GABRA2: variants seen among roughly 807,000 people sequenced by gnomAD.
GABRA2 encodes gamma-aminobutyric acid type A receptor subunit alpha2, also known as gamma-aminobutyric acid receptor subunit alpha-2.
In GABRA2, 16 loss-of-function variants were observed where a neutral mutation model predicts 48.7. The observed-to-expected ratio is 0.33, with a 90% CI of 0.22 to 0.50. The LOEUF (loss-of-function observed/expected upper bound fraction) is 0.50. GABRA2 is among the 20% of genes least tolerant of loss of function. The pLI is 0.98. For synonymous variants in GABRA2, 185 were observed against 184.5 expected, an observed-to-expected ratio of 1.00 and a Z score of -0.02; for missense variants, 275 against 535.6, an observed-to-expected ratio of 0.51 and a Z score of 4.80.
Position 46,339,770 on chromosome 4 carries a change from G to A in GABRA2, c.188-7088C>T, listed in dbSNP as rs139804468. 1.3e-3 allele frequency among the ~76,000 whole-genome samples: 196 copies of A among 151,568 alleles called. 2 individuals carry two copies. The highest frequency in any genetic ancestry group is 6.8e-3 in the Middle Eastern group (2 of 294). On this transcript the variant is annotated intron_variant, in intron 3 of 9. Coordinates refer to ENST00000381620, the MANE Select transcript of GABRA2 (RefSeq NM_000807.4). ...TCCTAACTCCTAACCTAATAATATCGGAATGCCACAAATTTCAGTTTTTGG... is the reference window on the plus strand; with the variant it reads ...TCCTAACTCCTAACCTAATAATATCAGAATGCCACAAATTTCAGTTTTTGG...
chr4:46,352,606 T>A (rs1376277438), intron 3 of GABRA2, among the ~76,000 whole-genome samples: 1 of 152,022 alleles, frequency 6.6e-6, no homozygotes, highest in Non-Finnish European at 1.5e-5. Flanking sequence ...ATAAAGAGAA[T>A]AACGGAGATC....
intron 4 of GABRA2, among the ~76,000 whole-genome samples, chr4:46,332,021 C>T (rs1257741804): frequency 6.6e-6 from 1 of 152,092 alleles, no homozygotes; most frequent in Non-Finnish European, 1.5e-5. Context: ...CCACACCAGG[C>T]CTGTCTCATT....
chr4:46,264,905 G>A (rs897893580), intron 8 of GABRA2, among the ~76,000 whole-genome samples: 11 of 149,708 alleles, frequency 7.3e-5, no homozygotes, highest in Admixed American at 2.0e-4. Flanking sequence ...TTGGTCATGT[G>A]TAGTAGTTTC....
At chr4:46,308,029 T>C (rs896876789) in intron 6 of GABRA2, among the ~76,000 whole-genome samples, 5 of 152,172 alleles carry the variant, frequency 3.3e-5, no homozygotes, top group Middle Eastern at 3.2e-3. Flanking sequence ...TAAATAATCT[T>C]GTTTGTGTTA....
chr4:46,364,427 T>C (rs1713717533), intron 3 of GABRA2: 1 of 152,246 alleles, frequency 6.6e-6, no homozygotes, highest in South Asian at 2.1e-4. Context: ...ACCCATTTAT[T>C]AGCACATAGT....
intron 4 of GABRA2, among the ~76,000 whole-genome samples, chr4:46,318,692 T>G (rs1029815384): frequency 2.6e-5 from 4 of 151,606 alleles, no homozygotes; most frequent in African/African-American, 9.7e-5. Flanking sequence ...ATCCATCAAC[T>G]GAGACTCTAA....
At chr4:46,325,534 G>T (rs1235866935) in intron 4 of GABRA2, among the ~76,000 whole-genome samples, 2 of 151,854 alleles carry the variant, frequency 1.3e-5, no homozygotes, top group Non-Finnish European at 2.9e-5. Context: ...TTGTCTGTTT[G>T]CTCTGTTAAT....
chr4:46,371,897 G>T (rs949746002), intron 3 of GABRA2, among the ~76,000 whole-genome samples: 1 of 152,096 alleles, frequency 6.6e-6, no homozygotes, highest in African/African-American at 2.4e-5. Flanking sequence ...TATTCTTTAT[G>T]AATTTCCCCT....
chr4:46,295,948 C>G (rs1349556451), intron 8 of GABRA2, among the ~76,000 whole-genome samples: 2 of 152,186 alleles, frequency 1.3e-5, no homozygotes, highest in African/African-American at 4.8e-5. Context: ...AAAGCACTCA[C>G]TTTATGGCTA....
At chr4:46,363,814 G>A (rs1381746737) in intron 3 of GABRA2, 1 of 152,010 alleles carries the variant, frequency 6.6e-6, no homozygotes, top group African/African-American at 2.4e-5. Flanking sequence ...TAATCATTTT[G>A]GAATGTGTAG....
intron 3 of GABRA2, among the ~76,000 whole-genome samples, chr4:46,374,039 T>G (rs958214583): frequency 9.9e-5 from 15 of 152,166 alleles, no homozygotes; most frequent in African/African-American, 3.6e-4. Flanking sequence ...ATTTTTTTCT[T>G]GAAAATTTTG....
intron 6 of GABRA2, among the ~76,000 whole-genome samples, chr4:46,306,886 C>T (rs944470524): frequency 2.6e-5 from 4 of 152,158 alleles, no homozygotes; most frequent in Non-Finnish European, 5.9e-5. Context: ...CCATCAGTAA[C>T]AATAGAGTAA....
intron 8 of GABRA2, among the ~76,000 whole-genome samples, chr4:46,280,617 G>C (rs1721347788): frequency 6.6e-6 from 1 of 152,156 alleles, no homozygotes; most frequent in Non-Finnish European, 1.5e-5. Context: ...GTTGGGCATA[G>C]AGTTCCATAA....
intron 3 of GABRA2, chr4:46,364,668 C>G (rs1468201298): frequency 1.3e-5 from 2 of 152,202 alleles, no homozygotes; most frequent in African/African-American, 2.4e-5. Flanking sequence ...TGTTGTGTTC[C>G]TTGCCATGTG....
rs73812849 is a variant in GABRA2, at chr4:46,323,240, T to A, written c.255+9375A>T. 2.1e-3 allele frequency among the ~76,000 whole-genome samples: 317 copies of A among 152,106 alleles called. 1 individual carries two copies. The highest frequency in any genetic ancestry group is 7.4e-3 in the African/African-American group (307 of 41,548). On this transcript the variant is annotated intron_variant, in intron 4 of 9. Transcript: ENST00000381620. ...ATGGCCTTTATGGTCTGGCTCGGAA[T>A]ACTTTTCTAACCTAATCTCTCCCAA...
chr4:46,273,502 CATATATATATATATATAT>C (rs71637683), intron 8 of GABRA2, among the ~76,000 whole-genome samples: 1 of 48,144 alleles, frequency 2.1e-5, no homozygotes, highest in Non-Finnish European at 4.0e-5. Context: ...TATATATATG[CATATATATATATATATAT>C]ATATATATAT....
chr4:46,336,769 CT>C, intron 3 of GABRA2, among the ~76,000 whole-genome samples: 1 of 152,158 alleles, frequency 6.6e-6, no homozygotes, highest in Non-Finnish European at 1.5e-5. Context: ...ATATTTCATT[CT>C]TTTAAAATTA....
chr4:46,354,466 T>C (rs975360889), intron 3 of GABRA2, among the ~76,000 whole-genome samples: 2 of 152,182 alleles, frequency 1.3e-5, no homozygotes, highest in African/African-American at 4.8e-5. Context: ...ATAATATCTA[T>C]AGAAAAAGGC....
intron 3 of GABRA2, among the ~76,000 whole-genome samples, chr4:46,376,854 T>G (rs1377560705): frequency 1.3e-5 from 2 of 151,954 alleles, no homozygotes; most frequent in Admixed American, 6.6e-5. Flanking sequence ...CTGATTCTCC[T>G]GCCTCAGCCT....
Sources: gnomAD v4.1 joint callset for allele counts (sites outside exome capture counted in the v4.1 genomes callset) on GRCh38, gnomAD v4.1.1 for gene constraint, MANE v1.5 for transcripts, NCBI Gene and HGNC (gene_info 2026-07-23, HGNC 2026-07-21) for gene names.